Variants in WDFY3 observed in about 807,000 individuals in gnomAD.
WDFY3 encodes the protein WD repeat and FYVE domain-containing protein 3.
In WDFY3, 66 loss-of-function variants were observed where a neutral mutation model predicts 409.6. That is an observed-to-expected ratio of 0.16 (90% CI 0.13 to 0.20). WDFY3 has a LOEUF of 0.20. WDFY3 is among the 10% of genes least tolerant of loss of function. The pLI is 1.00. For synonymous variants in WDFY3, 1,521 were observed against 1,537.1 expected (o/e 0.99, Z 0.25); for missense variants, 3,031 against 4,298.1 (o/e 0.71, Z 8.24).
chr4:84,942,378 C>A (rs752949250), intron 1 of WDFY3, among the ~76,000 whole-genome samples: 1 of 151,660 alleles, frequency 6.6e-6, no homozygotes, highest in South Asian at 2.1e-4. Context: ...TAAAAGATGT[C>A]GACACTTACT....
Position 84,881,824 on chromosome 4 carries a change from T to C in WDFY3, c.-32+15087A>G, listed in dbSNP as rs572502840. ...CCCAAGCGGTGCGTGAAGGATGCAG[T>C]GAGCTGAGATTGTGCCACTGTACTC... is the stretch of plus-strand genomic sequence containing the variant. On this transcript the variant is annotated intron_variant, in intron 3 of 67. Transcript: ENST00000295888. Among the ~76,000 whole-genome samples the C allele has an allele frequency of 4.6e-5, 7 of 151,282 alleles. No homozygotes were observed. In the East Asian group the frequency reaches 1.4e-3, roughly 29 times the overall value.
Position 84,903,414 on chromosome 4 carries a change from G to A in WDFY3, c.-131-6404C>T, listed in dbSNP as rs1766596459. Among the ~76,000 whole-genome samples the A allele has an allele frequency of 4.6e-5, 7 of 152,242 alleles. No individual in the cohort carries two copies. In the South Asian group the frequency reaches 1.5e-3, roughly 32 times the overall value. ...AGCTCACTGTAACCTCTGCCTCCCAGGTTCAAGCAGTCCTTCCACTTCAGC... is the reference window on the plus strand; with the variant it reads ...AGCTCACTGTAACCTCTGCCTCCCAAGTTCAAGCAGTCCTTCCACTTCAGC... On this transcript the variant is annotated intron_variant, in intron 2 of 67. Coordinates refer to ENST00000295888, the MANE Select transcript of WDFY3 (RefSeq NM_014991.6).
chr4:84,905,601 G>C (rs570606284), intron 2 of WDFY3, among the ~76,000 whole-genome samples: 2 of 152,132 alleles, frequency 1.3e-5, no homozygotes, highest in African/African-American at 2.4e-5. Flanking sequence ...TTATTTTCCT[G>C]CTTTCTCTCC....
intron 6 of WDFY3, 57 bp downstream of exon 6, chr4:84,841,096 CA>C (rs1757286610): frequency 2.3e-6 from 3 of 1,312,070 alleles, no homozygotes; most frequent in Non-Finnish European, 3.2e-6. Context: ...AATAAAATCA[CA>C]AGAGAGGCTA....
chr4:84,825,209 C>G (rs2149858286), intron 10 of WDFY3, among the ~76,000 whole-genome samples: 1 of 152,214 alleles, frequency 6.6e-6, no homozygotes, highest in Non-Finnish European at 1.5e-5. Context: ...CCAATATCAA[C>G]ATCACATTGA....
intron 3 of WDFY3, among the ~76,000 whole-genome samples, chr4:84,891,688 C>A (rs748064924): frequency 6.6e-6 from 1 of 152,062 alleles, no homozygotes; most frequent in South Asian, 2.1e-4. Context: ...TGTTTACCTC[C>A]TTTCAGTGAT....
chr4:84,852,209 G>T (rs1759127429), intron 4 of WDFY3, among the ~76,000 whole-genome samples: 1 of 152,204 alleles, frequency 6.6e-6, no homozygotes, highest in Non-Finnish European at 1.5e-5. Context: ...GCTACTAAGT[G>T]ACTATTGGGC....
chr4:84,705,298 G>A (rs916900171), intron 54 of WDFY3, 96 bp downstream of exon 54: 1 of 878,018 alleles, frequency 1.1e-6, no homozygotes, highest in Admixed American at 2.1e-5. Flanking sequence ...TGATATATAA[G>A]CAATTTGAAG....
chr4:84,743,786 CT>C lies in WDFY3; in HGVS notation c.5986del (p.Arg1996GlyfsTer18). 2 of 1,573,418 alleles carry C rather than the reference CT, an allele frequency of 1.3e-6. No individual in the cohort carries two copies. The highest frequency in any genetic ancestry group is 1.7e-6 in the Non-Finnish European group (2 of 1,157,126). On this transcript the variant is annotated frameshift_variant, in exon 37 of 68. Transcript: ENST00000295888. LOFTEE classifies it high-confidence loss of function. Reference sequence around the variant, plus strand: ...TTCTTTTTGCTGAGTTCTTGTAGACCTTTCAGGGGAAGCCTAATCAAGAAAA... The same window carrying C: ...TTCTTTTTGCTGAGTTCTTGTAGACCTTCAGGGGAAGCCTAATCAAGAAAA... ...IDLLLEASPERSTRTQQKEFQ... is the reference protein window; with the variant it reads ...IDLLLEASPEXSTRTQQKEFQ...
chr4:84,753,929 T>C lies in WDFY3; in HGVS notation c.5560-53A>G. On this transcript the variant is annotated intron_variant, in intron 34 of 67. Transcript: ENST00000295888. ...TATGTTACAGTTATTGACACTGCTATAAATTATTTTAAAAATCCATTACTC... is the reference window on the plus strand; with the variant it reads ...TATGTTACAGTTATTGACACTGCTACAAATTATTTTAAAAATCCATTACTC... 2.8e-6 allele frequency: 4 copies of C among 1,451,948 alleles called. No homozygotes were observed. In the Admixed American group the frequency reaches 8.0e-5, roughly 29 times the overall value. The allele number at this position is 1,451,948 out of a possible 1,614,324, so 89.9% of individuals were successfully genotyped here. A position where few individuals can be genotyped will look rare whatever the true frequency, so the allele number is the denominator to read the frequency against.
intron 5 of WDFY3, among the ~76,000 whole-genome samples, chr4:84,844,869 C>CT (rs1464065703): frequency 1.3e-5 from 2 of 152,150 alleles, no homozygotes; most frequent in East Asian, 1.9e-4. Flanking sequence ...GTCAAATTAA[C>CT]TGAGTCACTA....
chr4:84,855,892 G>A (rs889643264), intron 4 of WDFY3, among the ~76,000 whole-genome samples: 2 of 152,120 alleles, frequency 1.3e-5, no homozygotes, highest in Non-Finnish European at 2.9e-5. Flanking sequence ...ACTCAGTCCC[G>A]TCCTCTCCTT....
chr4:84,730,870 G>A lies in WDFY3; in HGVS notation c.7221+2512C>T, dbSNP rs188842223. Among the ~76,000 whole-genome samples the A allele has an allele frequency of 4.2e-4, 63 of 151,750 alleles. No individual in the cohort carries two copies. The East Asian group carries it at 0.011, about 27-fold the overall frequency. ...GGCTAGAGTGCAATGGCGTGATCTC[G>A]GCTCACCGCAACCTCCACCTCTCTG... On this transcript the variant is annotated intron_variant, in intron 44 of 67. Coordinates refer to ENST00000295888, the MANE Select transcript of WDFY3 (RefSeq NM_014991.6).
chr4:84,900,414 T>G (rs981601482), intron 2 of WDFY3, among the ~76,000 whole-genome samples: 1 of 151,930 alleles, frequency 6.6e-6, no homozygotes, highest in Non-Finnish European at 1.5e-5. Flanking sequence ...TTCATAAAGG[T>G]GGGGTCTCAT....
chr4:84,959,384 G>A (rs1217949105), intron 1 of WDFY3, among the ~76,000 whole-genome samples: 3 of 151,744 alleles, frequency 2.0e-5, no homozygotes, highest in African/African-American at 7.3e-5. Context: ...AAGAGTGTGA[G>A]GGTAATCTAT....
intron 59 of WDFY3, among the ~76,000 whole-genome samples, 193 bp from the exon 60 acceptor site, chr4:84,691,978 C>T (rs2148860135): frequency 6.6e-6 from 1 of 152,352 alleles, no homozygotes; most frequent in Middle Eastern, 3.4e-3. Flanking sequence ...TTCAACCTAA[C>T]AGGGCCTCTG....
intron 27 of WDFY3, among the ~76,000 whole-genome samples, chr4:84,776,227 TAGAC>T (rs943498641): frequency 1.9e-4 from 29 of 152,150 alleles, no homozygotes; most frequent in African/African-American, 6.7e-4. Flanking sequence ...TCTTCAAAGA[TAGAC>T]TGAATTGTTT....
In WDFY3 at chr4:84,803,380, C is replaced by T; in HGVS notation, c.2517G>A (p.Leu839=). The change falls in exon 16 of 68, where the codon CTG becomes CTA. Residue 839 remains leucine, a synonymous_variant. Coordinates refer to ENST00000295888, the MANE Select transcript of WDFY3 (RefSeq NM_014991.6). ...DLKLHVTTSS[L]QSSDAVIIHP... ...GAATGATGACTGCATCAGAACTCTG[C>T]AGAGATGAAGTTGTCACATGTAGTT... 6.2e-7 allele frequency: 1 copy of T among 1,614,016 alleles called. No homozygotes were observed. Among genetic ancestry groups the T allele is most frequent in the East Asian group, 2.2e-5 (1 of 44,864 alleles).
chr4:84,717,027 C>T lies in WDFY3; in HGVS notation c.7755-11G>A. 6.4e-7 allele frequency: 1 copy of T among 1,553,700 alleles called. No homozygotes were observed. Among genetic ancestry groups the T allele is most frequent in the Non-Finnish European group, 8.7e-7 (1 of 1,152,776 alleles). On this transcript the variant is annotated splice_polypyrimidine_tract_variant and intron_variant, in intron 48 of 67. Coordinates refer to ENST00000295888, the MANE Select transcript of WDFY3 (RefSeq NM_014991.6). ...ATAGGCTCATGCATACTACAGGCAG[C>T]CAAGAGAAAAAGCAAATAAAAACAC...
Sources: gnomAD v4.1 joint callset for allele counts (sites outside exome capture counted in the v4.1 genomes callset) on GRCh38, gnomAD v4.1.1 for gene constraint, MANE v1.5 for transcripts, NCBI Gene and HGNC (gene_info 2026-07-23, HGNC 2026-07-21) for gene names.